THEMIS: variants seen among roughly 807,000 people sequenced by gnomAD.
THEMIS encodes the protein protein THEMIS.
A neutral mutation model predicts 52.6 loss-of-function variants in THEMIS; 37 were observed. That is an observed-to-expected ratio of 0.70 (90% CI 0.54 to 0.93). The LOEUF (loss-of-function observed/expected upper bound fraction) is 0.93, where lower values mean the gene tolerates loss of function less well. THEMIS is among the 40% of genes least tolerant of loss of function. The probability of loss-of-function intolerance (pLI) is 0.00; values close to 1 mark genes in which losing one functional copy is unlikely to be tolerated. For missense variants in THEMIS, 808 were observed against 763.1 expected, an observed-to-expected ratio of 1.06 and a Z score of -0.69; for synonymous variants, 292 against 272.7, an observed-to-expected ratio of 1.07 and a Z score of -0.70.
chr6:127,798,743 C>A (rs577037426), intron 4 of THEMIS, among the ~76,000 whole-genome samples: 1 of 152,056 alleles, frequency 6.6e-6, no homozygotes, highest in Non-Finnish European at 1.5e-5. Context: ...GTAATCCCAG[C>A]ACTTTGGGAG....
At chr6:127,819,466 A>C (rs1778259171) in intron 3 of THEMIS, among the ~76,000 whole-genome samples, 1 of 151,924 alleles carries the variant, frequency 6.6e-6, no homozygotes, top group Non-Finnish European at 1.5e-5. Flanking sequence ...GATAAATACC[A>C]AAAAAAATCT....
At position 127,730,392 on chromosome 6, in the gene THEMIS, AAAGG is replaced by A. The variant is rs200727853; in HGVS notation, c.1759-10573_1759-10570del. Among the ~76,000 whole-genome samples the A allele has an allele frequency of 1.5e-3, 229 of 150,160 alleles. 1 individual carries two copies. Among genetic ancestry groups the A allele is most frequent in the African/African-American group, 5.1e-3 (211 of 40,988 alleles). ...AAGAGAAGAGAAAGAGAAAGAAAGAAAAGGAAGGAAGGAAGGAAAGAAGGGAGGG... is the reference window on the plus strand; with the variant it reads ...AAGAGAAGAGAAAGAGAAAGAAAGAAAAGGAAGGAAGGAAAGAAGGGAGGG... On this transcript the variant is annotated intron_variant, in intron 4 of 5. Coordinates refer to ENST00000368248, the MANE Select transcript of THEMIS (RefSeq NM_001010923.3).
intron 3 of THEMIS, among the ~76,000 whole-genome samples, chr6:127,825,910 C>G (rs1038126300): frequency 5.3e-5 from 8 of 152,024 alleles, no homozygotes; most frequent in Non-Finnish European, 1.2e-4. Context: ...CGCAGAAAAA[C>G]AGTTATGGAG....
chr6:127,762,391 T>C (rs944613914), intron 4 of THEMIS, among the ~76,000 whole-genome samples: 1 of 152,112 alleles, frequency 6.6e-6, no homozygotes, highest in African/African-American at 2.4e-5. Context: ...ATAGATCTCA[T>C]GTCTTCTTAC....
Position 127,855,127 on chromosome 6 carries a change from A to C in THEMIS, c.153T>G (p.Ile51Met). 1 of 1,610,734 alleles carries C rather than the reference A, an allele frequency of 6.2e-7. No homozygotes were observed. The highest frequency in any genetic ancestry group is 1.1e-5 in the South Asian group (1 of 90,834). Residue 51 changes from isoleucine (I) to methionine (M), a missense_variant, in exon 2 of 6, where the codon ATT becomes ATG. Transcript: ENST00000368248. ...TGATCTTCTTAACTTTGAGACCAGT[A>C]ATTTTAATCACTTCTCCTGTTGAAA... ...CCFSTGEVIK[I>M]TGLKVKKIIA...
intron 1 of THEMIS, among the ~76,000 whole-genome samples, chr6:127,885,955 A>T (rs143064241): frequency 1.9e-3 from 290 of 152,160 alleles, no homozygotes; most frequent in African/African-American, 6.5e-3. Flanking sequence ...TTACTTTGGT[A>T]TCTACAGTTT....
At chr6:127,734,712 T>C (rs1460375884) in intron 4 of THEMIS, among the ~76,000 whole-genome samples, 2 of 150,728 alleles carry the variant, frequency 1.3e-5, no homozygotes, top group Admixed American at 1.3e-4. Context: ...CTACTAAAAA[T>C]ACAAAAAATT....
intron 1 of THEMIS, among the ~76,000 whole-genome samples, chr6:127,866,310 G>A (rs1779974112): frequency 6.6e-6 from 1 of 151,880 alleles, no homozygotes; most frequent in Non-Finnish European, 1.5e-5. Context: ...GCTACATATA[G>A]TGTCTATAGT....
rs1418277180 is a variant in THEMIS at position 127,829,670 on chromosome 6, TCTC to T, written c.512_514del (p.Gly171del). 3 of 1,614,082 alleles carry T rather than the reference TCTC, an allele frequency of 1.9e-6. No homozygotes were observed. Among genetic ancestry groups the T allele is most frequent in the South Asian group, 1.1e-5 (1 of 91,086 alleles). On this transcript the variant is annotated inframe_deletion, in exon 3 of 6. Coordinates refer to ENST00000368248, the MANE Select transcript of THEMIS (RefSeq NM_001010923.3). ...ACGTTCATCTTCACACTCGTAGAAT[TCTC>T]CTTCTTGTGACAAAGGCAAATTAAA...
At chr6:127,819,307 A>G (rs1010802376) in intron 3 of THEMIS, among the ~76,000 whole-genome samples, 9 of 151,966 alleles carry the variant, frequency 5.9e-5, no homozygotes, top group Non-Finnish European at 1.2e-4. Context: ...AGAACATAAT[A>G]TAATATCCAA....
upstream of THEMIS, among the ~76,000 whole-genome samples, chr6:127,903,046 C>T (rs1025664714): frequency 2.0e-5 from 3 of 152,016 alleles, no homozygotes; most frequent in Non-Finnish European, 2.9e-5. Flanking sequence ...TAATCATCTT[C>T]GTATTCTCAG....
chr6:127,719,983 G>C (rs893288435), intron 4 of THEMIS, among the ~76,000 whole-genome samples, 160 bp from the exon 5 acceptor site: 2 of 151,894 alleles, frequency 1.3e-5, no homozygotes, highest in African/African-American at 4.8e-5. Context: ...ATATATTTTG[G>C]AAACTGAGGT....
At chr6:127,891,538 C>CAAAAAAAAAAAA (rs67886431) in intron 1 of THEMIS, among the ~76,000 whole-genome samples, 16 of 96,828 alleles carry the variant, frequency 1.7e-4, no homozygotes, top group African/African-American at 1.9e-4. Context: ...TCCAGCTCAA[C>CAAAAAAAAAAAA]AAAAAAAAAA....
chr6:127,770,379 G>A (rs932948016), intron 4 of THEMIS, among the ~76,000 whole-genome samples: 2 of 152,156 alleles, frequency 1.3e-5, no homozygotes, highest in Non-Finnish European at 2.9e-5. Context: ...GCCAGTGATG[G>A]TGAGCATTTT....
intron 1 of THEMIS, among the ~76,000 whole-genome samples, chr6:127,857,428 T>G (rs1238511383): frequency 6.6e-6 from 1 of 151,912 alleles, no homozygotes; most frequent in African/African-American, 2.4e-5. Context: ...TTCAAGTACT[T>G]TGTTATGTCT....
chr6:127,907,157 T>C (rs1351259452), intron 1 of THEMIS, among the ~76,000 whole-genome samples: 2 of 151,896 alleles, frequency 1.3e-5, no homozygotes, highest in Admixed American at 1.3e-4. Flanking sequence ...TCTGAAACTT[T>C]CTTTTCATTG....
intron 1 of THEMIS, among the ~76,000 whole-genome samples, chr6:127,885,107 A>T (rs1253188544): frequency 1.3e-5 from 2 of 151,558 alleles, no homozygotes; most frequent in Non-Finnish European, 3.0e-5. Flanking sequence ...AGTCCATAAC[A>T]CATATTATAA....
intron 1 of THEMIS, among the ~76,000 whole-genome samples, chr6:127,858,469 G>A (rs111987951): frequency 6.6e-5 from 10 of 152,178 alleles, no homozygotes; most frequent in African/African-American, 2.4e-4. Flanking sequence ...TATGATAGGT[G>A]ACAGGGACAT....
At chr6:127,832,688 C>T (rs1202762250) in intron 2 of THEMIS, among the ~76,000 whole-genome samples, 1 of 146,636 alleles carries the variant, frequency 6.8e-6, no homozygotes, top group Non-Finnish European at 1.5e-5. Flanking sequence ...CTTGAGTAAT[C>T]AAGTTATTAA....
Sources: allele counts gnomAD v4.1 joint callset (sites outside exome capture counted in the v4.1 genomes callset), GRCh38; gene constraint gnomAD v4.1.1; transcripts MANE v1.5; gene names NCBI Gene and HGNC (gene_info 2026-07-23, HGNC 2026-07-21).